Variants in UBE2Q2 observed in about 807,000 individuals in gnomAD.
The protein encoded by UBE2Q2 is ubiquitin-conjugating enzyme E2 Q2.
UBE2Q2 carries 54 observed loss-of-function variants against 59.9 expected under a neutral mutation model. The observed-to-expected ratio is 0.90, with a 90% CI of 0.72 to 1.13. The LOEUF is 1.13. Ranked by LOEUF, UBE2Q2 falls within the 50% of genes most tolerant of loss-of-function variation. The pLI, the probability that UBE2Q2 is intolerant of heterozygous loss-of-function variation, is 0.00. For missense variants in UBE2Q2, 433 were observed against 441.9 expected (o/e 0.98, Z 0.18); for synonymous variants, 165 against 155.2 (o/e 1.06, Z -0.47).
At position 75,900,724 on chromosome 15, in the gene UBE2Q2, C is replaced by T. The variant is rs1899709537; in HGVS notation, c.*1266C>T. ...GTGTGTGTTTAATTTCTTTTGATTCCATTTTGGTTAAGAGAGCAGTAAATA... is the reference window on the plus strand; with the variant it reads ...GTGTGTGTTTAATTTCTTTTGATTCTATTTTGGTTAAGAGAGCAGTAAATA... On this transcript the variant is annotated 3_prime_UTR_variant, in exon 13 of 13. Coordinates refer to ENST00000267938, the MANE Select transcript of UBE2Q2 (RefSeq NM_173469.4). 6.6e-6 allele frequency: 1 copy of T among 152,534 alleles called. No homozygotes were observed. The highest frequency in any genetic ancestry group is 1.5e-5 in the Non-Finnish European group (1 of 68,026). 9.4% of individuals were successfully genotyped at this position (152,534 alleles called of 1,614,324 possible).
intron 1 of UBE2Q2, among the ~76,000 whole-genome samples, chr15:75,847,091 A>G (rs1339918599): frequency 6.6e-6 from 1 of 152,084 alleles, no homozygotes; most frequent in African/African-American, 2.4e-5. Flanking sequence ...CTTATGCTGT[A>G]TTCTGTAAGC....
chr15:75,853,115 G>C (rs1896712687), intron 1 of UBE2Q2, among the ~76,000 whole-genome samples: 1 of 152,162 alleles, frequency 6.6e-6, no homozygotes, highest in East Asian at 1.9e-4. Context: ...GTCTGTTAGT[G>C]GGTGAAAGCA....
intron 8 of UBE2Q2, among the ~76,000 whole-genome samples, chr15:75,880,787 A>G (rs1426492742): frequency 1.3e-5 from 2 of 152,176 alleles, no homozygotes; most frequent in Non-Finnish European, 2.9e-5. Flanking sequence ...GCGTGATTTA[A>G]TATGGATCTG....
intron 1 of UBE2Q2, among the ~76,000 whole-genome samples, chr15:75,852,036 G>A (rs748692590): frequency 1.1e-4 from 16 of 151,994 alleles, no homozygotes; most frequent in Non-Finnish European, 1.9e-4. Flanking sequence ...ACCATGCTTA[G>A]CTAATTTTTT....
Position 75,873,428 on chromosome 15 carries a change from GA to G in UBE2Q2, c.449del (p.Asp150ValfsTer2). 1.3e-6 allele frequency: 2 copies of G among 1,598,842 alleles called. No individual in the cohort carries two copies. The highest frequency in any genetic ancestry group is 8.5e-7 in the Non-Finnish European group (1 of 1,176,370). ...GCTAACATTTTTCGTCTCTTTGTAG[GA>G]TATAGAAGACTTAGATCACTATGAG... is the stretch of plus-strand genomic sequence containing the variant. Reference protein sequence around the residue: ...EEEEEEEMAEDIEDLDHYEMK... With the variant: ...EEEEEEEMAEXIEDLDHYEMK... On this transcript the variant is annotated frameshift_variant and splice_region_variant, in exon 5 of 13. Transcript: ENST00000267938. LOFTEE classifies it high-confidence loss of function.
intron 11 of UBE2Q2, among the ~76,000 whole-genome samples, chr15:75,893,690 G>T (rs947439343): frequency 6.6e-6 from 1 of 152,000 alleles, no homozygotes; most frequent in Admixed American, 6.6e-5. Flanking sequence ...AAAATCAGAC[G>T]ATTTAAAAAC....
Position 75,843,566 on chromosome 15 carries a change from G to C in UBE2Q2, c.-101G>C, listed in dbSNP as rs950425224. ...AGCCGCGAGAGCGCGGCCCAGGCCG[G>C]CCCCGCGGGGCGGTCGCGGCCGTGA... is the stretch of plus-strand genomic sequence containing the variant. On this transcript the variant is annotated 5_prime_UTR_variant, in exon 1 of 13. Coordinates refer to ENST00000267938, the MANE Select transcript of UBE2Q2 (RefSeq NM_173469.4). 1.0e-6 allele frequency: 1 copy of C among 982,170 alleles called. No individual in the cohort carries two copies. The highest frequency in any genetic ancestry group is 4.0e-5 in the East Asian group (1 of 24,922). 60.8% of individuals were successfully genotyped at this position (982,170 alleles called of 1,614,324 possible).
intron 9 of UBE2Q2, among the ~76,000 whole-genome samples, chr15:75,884,988 C>CT (rs1053057986): frequency 4.4e-4 from 67 of 152,102 alleles, no homozygotes; most frequent in African/African-American, 1.2e-3. Context: ...ATTTTTTGTC[C>CT]TTTTTTGTTT....
chr15:75,876,065 CAAAAAA>C (rs33923600), intron 5 of UBE2Q2, 116 bp from the exon 6 acceptor site: 2 of 534,190 alleles, frequency 3.7e-6, no homozygotes, highest in East Asian at 4.0e-5. Context: ...ACTCCATCTC[CAAAAAA>C]AAAAAAAAAA....
Position 75,844,227 on chromosome 15 carries a change from T to A in UBE2Q2, c.180+381T>A, listed in dbSNP as rs376715550. On this transcript the variant is annotated intron_variant, in intron 1 of 12. Transcript: ENST00000267938. ...GGCGGGGCGGCGCAGCTCCGGCTGT[T>A]GTTTGAGCCCAGGCCGGCAAGGGGA... 7 of 1,474,908 alleles carry A rather than the reference T, an allele frequency of 4.7e-6. No homozygotes were observed. In the African/African-American group the frequency reaches 8.4e-5, roughly 18 times the overall value. The allele number at this position is 1,474,908 out of a possible 1,614,324, so 91.4% of individuals were successfully genotyped here.
intron 10 of UBE2Q2, among the ~76,000 whole-genome samples, 160 bp downstream of exon 10, chr15:75,890,643 A>C (rs150625550): frequency 7.9e-4 from 121 of 152,348 alleles, no homozygotes; most frequent in African/African-American, 2.8e-3. Context: ...TAAACCAATA[A>C]AATGACATTG....
At chr15:75,887,922 A>G (rs1898878255) in intron 9 of UBE2Q2, among the ~76,000 whole-genome samples, 2 of 152,332 alleles carry the variant, frequency 1.3e-5, no homozygotes, top group South Asian at 2.1e-4. Context: ...TGACTTGGGA[A>G]GAAGTAAAAG....
rs547363236 is a variant in UBE2Q2 at position 75,899,667 on chromosome 15, C to A, written c.*209C>A. 5.7e-4 allele frequency: 187 copies of A among 328,158 alleles called. No homozygotes were observed. The highest frequency in any genetic ancestry group is 9.1e-4 in the Non-Finnish European group (164 of 180,048). The allele number at this position is 328,158 out of a possible 1,614,324, so 20.3% of individuals were successfully genotyped here. A position where few individuals can be genotyped will look rare whatever the true frequency, so the allele number is the denominator to read the frequency against. On this transcript the variant is annotated 3_prime_UTR_variant, in exon 13 of 13. Coordinates refer to ENST00000267938, the MANE Select transcript of UBE2Q2 (RefSeq NM_173469.4). ...AGATATCTTGGACTGAGCAGTGGGG[C>A]CTTTACTGTATTTTTCCTGATAAAT...
chr15:75,853,295 C>A (rs1351226971), intron 1 of UBE2Q2, among the ~76,000 whole-genome samples: 2 of 152,000 alleles, frequency 1.3e-5, no homozygotes. Context: ...CATGGTGAAA[C>A]CCCGTCTCTA....
chr15:75,879,160 A>G lies in UBE2Q2; in HGVS notation c.797A>G (p.Glu266Gly). 1 of 1,600,608 alleles carries G rather than the reference A, an allele frequency of 6.2e-7. No individual in the cohort carries two copies. Among genetic ancestry groups the G allele is most frequent in the Non-Finnish European group, 8.5e-7 (1 of 1,173,710 alleles). The change falls in exon 8 of 13, where the codon GAA becomes GGA. Residue 266 changes from glutamate (E) to glycine (G), a missense_variant. Coordinates refer to ENST00000267938, the MANE Select transcript of UBE2Q2 (RefSeq NM_173469.4). The part of the protein sequence containing the change: ...LQILKEKEGI[E>G]YILLNFSFKD... ...ATCTTAAAAGAAAAAGAAGGCATAG[A>G]ATATATTTTGCTTAACTTCTCTTTT...
At chr15:75,879,009 A>T in intron 7 of UBE2Q2, 89 bp from the exon 8 acceptor site, 2 of 888,452 alleles carry the variant, frequency 2.3e-6, no homozygotes, top group Non-Finnish European at 3.4e-6. Flanking sequence ...GCTCTATTTT[A>T]GCTGTCATAC....
intron 5 of UBE2Q2, among the ~76,000 whole-genome samples, 155 bp downstream of exon 5, chr15:75,873,723 T>C (rs1204919149): frequency 1.3e-5 from 2 of 152,218 alleles, no homozygotes. Flanking sequence ...AACAGGGTCT[T>C]GCTCTGTCGC....
chr15:75,859,249 C>G (rs997766651), intron 2 of UBE2Q2, among the ~76,000 whole-genome samples: 3 of 151,432 alleles, frequency 2.0e-5, no homozygotes, highest in African/African-American at 7.4e-5. Context: ...TATACAGACA[C>G]TTAAGAGCCT....
intron 4 of UBE2Q2, among the ~76,000 whole-genome samples, chr15:75,870,136 C>T (rs1464299907): frequency 2.0e-5 from 3 of 152,064 alleles, no homozygotes; most frequent in Non-Finnish European, 4.4e-5. Flanking sequence ...AGTGTGATCA[C>T]GGCTCACTGC....
Sources: allele counts gnomAD v4.1 joint callset (sites outside exome capture counted in the v4.1 genomes callset), GRCh38; gene constraint gnomAD v4.1.1; transcripts MANE v1.5; gene names NCBI Gene and HGNC (gene_info 2026-07-23, HGNC 2026-07-21).